DENND1B: variants seen among roughly 807,000 people sequenced by gnomAD.
The protein encoded by DENND1B is DENN domain containing 1B, also known as DENN domain-containing protein 1B.
Under a neutral mutation model 90.1 loss-of-function variants are expected in DENND1B, and 59 were observed. The observed-to-expected ratio is 0.65, with a 90% CI of 0.53 to 0.81. The LOEUF (loss-of-function observed/expected upper bound fraction) is 0.81. DENND1B is among the 40% of genes least tolerant of loss of function. The probability of loss-of-function intolerance (pLI) is 0.00; values close to 1 mark genes in which losing one functional copy is unlikely to be tolerated. For synonymous variants in DENND1B, 337 were observed against 324.6 expected (o/e 1.04, Z -0.41); for missense variants, 862 against 912.6 (o/e 0.94, Z 0.71).
chr1:197,625,537 C>A lies in DENND1B; in HGVS notation c.673-7778G>T, dbSNP rs545554629. On this transcript the variant is annotated intron_variant, in intron 10 of 22. Coordinates refer to ENST00000620048, the MANE Select transcript of DENND1B (RefSeq NM_001195215.2). Reference sequence around the variant, plus strand: ...AAGCACTAAACATGGAAAGGAACAACCGGTACCAGCCACTGCAAAATCATG... The same window carrying A: ...AAGCACTAAACATGGAAAGGAACAAACGGTACCAGCCACTGCAAAATCATG... Among the ~76,000 whole-genome samples the A allele has an allele frequency of 5.4e-3, 829 of 152,182 alleles. 9 individuals are homozygous for A. The highest frequency in any genetic ancestry group is 0.019 in the African/African-American group (790 of 41,518).
chr1:197,578,172 G>A (rs1673860624), intron 15 of DENND1B, among the ~76,000 whole-genome samples: 2 of 152,122 alleles, frequency 1.3e-5, no homozygotes, highest in African/African-American at 4.8e-5. Context: ...ATGGTACAGT[G>A]ACCACAGTTA....
At chr1:197,770,751 TAA>T (rs1354935475) in intron 2 of DENND1B, among the ~76,000 whole-genome samples, 1 of 140,722 alleles carries the variant, frequency 7.1e-6, no homozygotes, top group South Asian at 2.1e-4. Context: ...TATATATCTA[TAA>T]ATATATATAA....
intron 13 of DENND1B, among the ~76,000 whole-genome samples, chr1:197,601,429 C>A (rs190071531): frequency 5.3e-5 from 8 of 151,262 alleles, no homozygotes; most frequent in Non-Finnish European, 1.0e-4. Context: ...ATATTACACA[C>A]AAAAAGTTGC....
intron 5 of DENND1B, among the ~76,000 whole-genome samples, chr1:197,659,378 A>G (rs1323473243): frequency 1.3e-5 from 2 of 151,902 alleles, no homozygotes; most frequent in East Asian, 3.9e-4. Flanking sequence ...AGTAGTAATA[A>G]AAGAGGAATT....
chr1:197,726,469 G>A (rs1323853547), intron 2 of DENND1B, among the ~76,000 whole-genome samples: 1 of 152,082 alleles, frequency 6.6e-6, no homozygotes, highest in African/African-American at 2.4e-5. Context: ...AATGAAATAG[G>A]ATATACTTCA....
intron 15 of DENND1B, among the ~76,000 whole-genome samples, chr1:197,564,395 C>CAAAA (rs71131780): frequency 0.023 from 1,434 of 63,038 alleles, 118 homozygotes; most frequent in African/African-American, 0.069. Flanking sequence ...CCTCCACCAG[C>CAAAA]AAAAAAAAAA....
intron 20 of DENND1B, among the ~76,000 whole-genome samples, chr1:197,530,105 C>T (rs2125634302): frequency 6.6e-6 from 1 of 152,240 alleles, no homozygotes; most frequent in South Asian, 2.1e-4. Flanking sequence ...ATTAGCAGAC[C>T]AGCACACAAA....
At chr1:197,582,106 G>A (rs2125771328) in intron 15 of DENND1B, among the ~76,000 whole-genome samples, 1 of 152,196 alleles carries the variant, frequency 6.6e-6, no homozygotes, top group South Asian at 2.1e-4. Flanking sequence ...TGCTCCTTAA[G>A]TTTGTGTACA....
chr1:197,717,580 G>A (rs1158553030), intron 2 of DENND1B, among the ~76,000 whole-genome samples: 1 of 151,852 alleles, frequency 6.6e-6, no homozygotes, highest in Non-Finnish European at 1.5e-5. Flanking sequence ...TTACAGCATA[G>A]TAAGAAAAAA....
At chr1:197,681,056 G>C (rs1018678731) in intron 3 of DENND1B, among the ~76,000 whole-genome samples, 1 of 152,050 alleles carries the variant, frequency 6.6e-6, no homozygotes, top group Non-Finnish European at 1.5e-5. Context: ...TATTTAACAA[G>C]TGTTTACTAA....
intron 3 of DENND1B, among the ~76,000 whole-genome samples, chr1:197,679,437 A>C (rs554907994): frequency 6.6e-6 from 1 of 151,726 alleles, no homozygotes; most frequent in South Asian, 2.1e-4. Context: ...ATTAGATAGT[A>C]TAAGAAATCT....
At chr1:197,626,151 T>A (rs1216615515) in intron 10 of DENND1B, among the ~76,000 whole-genome samples, 2 of 152,170 alleles carry the variant, frequency 1.3e-5, no homozygotes, top group Admixed American at 1.3e-4. Context: ...GGAATTGAAC[T>A]CAGCTCTGCA....
In DENND1B at chr1:197,572,184, G is replaced by A. The variant is rs1237428457; in HGVS notation, c.1149+10968C>T. Among the ~76,000 whole-genome samples, 2 of 152,134 alleles carry A rather than the reference G, an allele frequency of 1.3e-5. 1 individual carries two copies. Among genetic ancestry groups the A allele is most frequent in the South Asian group, 4.1e-4 (2 of 4,824 alleles). Reference sequence around the variant, plus strand: ...TAGCCAAGGGAAATCGTGACAGACTGTACCTGGAAAAACGGGACATTTCTG... The same window carrying A: ...TAGCCAAGGGAAATCGTGACAGACTATACCTGGAAAAACGGGACATTTCTG... On this transcript the variant is annotated intron_variant, in intron 15 of 22. Coordinates refer to ENST00000620048, the MANE Select transcript of DENND1B (RefSeq NM_001195215.2).
intron 5 of DENND1B, 121 bp from the exon 6 acceptor site, chr1:197,658,490 A>G (rs1654074563): frequency 1.6e-6 from 1 of 607,934 alleles, no homozygotes; most frequent in African/African-American, 1.9e-5. Context: ...AAAGAACTAT[A>G]CCCATTTTCT....
chr1:197,609,014 T>C (rs1676946561), intron 12 of DENND1B, among the ~76,000 whole-genome samples: 1 of 150,386 alleles, frequency 6.6e-6, no homozygotes, highest in African/African-American at 2.4e-5. Context: ...CTATTTCATC[T>C]ATTTTTTCCC....
chr1:197,569,508 AT>A lies in DENND1B; in HGVS notation c.1149+13643del, dbSNP rs1467556048. Among the ~76,000 whole-genome samples, 33 of 152,182 alleles carry A rather than the reference AT, an allele frequency of 2.2e-4. No individual in the cohort carries two copies. The East Asian group carries it at 6.4e-3, about 29-fold the overall frequency. On this transcript the variant is annotated intron_variant, in intron 15 of 22. Coordinates refer to ENST00000620048, the MANE Select transcript of DENND1B (RefSeq NM_001195215.2). The stretch of plus-strand genomic sequence containing the variant: ...ACAGCATTACTCAACAATAACAAAT[AT>A]ATGAATCAACCTAACTGTCCATGAA...
Position 197,681,945 on chromosome 1 carries a change from T to C in DENND1B, c.127-7776A>G, listed in dbSNP as rs2126000641. 2.0e-5 allele frequency among the ~76,000 whole-genome samples: 3 copies of C among 152,250 alleles called. No homozygotes were observed. The East Asian group carries it at 5.8e-4, about 29-fold the overall frequency. On this transcript the variant is annotated intron_variant, in intron 3 of 22. Transcript: ENST00000620048. ...ATGTTTCAGAGCAATAAATTATAAT[T>C]AACCTTGGTTTTTTTGTTTTTGTTT...
chr1:197,516,418 C>T (rs1482992333), intron 20 of DENND1B, among the ~76,000 whole-genome samples: 1 of 151,070 alleles, frequency 6.6e-6, no homozygotes, highest in Non-Finnish European at 1.5e-5. Context: ...GTTAAGGTCA[C>T]AAAAAAAGAG....
chr1:197,571,120 C>G (rs1238668870), intron 15 of DENND1B, among the ~76,000 whole-genome samples: 1 of 152,164 alleles, frequency 6.6e-6, no homozygotes, highest in African/African-American at 2.4e-5. Context: ...TTTACTACCA[C>G]CATCACTTCT....
Sources: gnomAD v4.1 joint callset for allele counts (sites outside exome capture counted in the v4.1 genomes callset) on GRCh38, gnomAD v4.1.1 for gene constraint, MANE v1.5 for transcripts, NCBI Gene and HGNC (gene_info 2026-07-23, HGNC 2026-07-21) for gene names.